Variants in AMBRA1 observed in about 807,000 individuals in gnomAD.
AMBRA1 encodes the protein autophagy and beclin 1 regulator 1.
In AMBRA1, 47 loss-of-function variants were observed where a neutral mutation model predicts 125.4. The observed-to-expected ratio is 0.37, with a 90% CI of 0.30 to 0.48. The LOEUF (loss-of-function observed/expected upper bound fraction) is 0.48, where lower values mean the gene tolerates loss of function less well. AMBRA1 is among the 20% of genes least tolerant of loss of function. AMBRA1 has a pLI of 0.99. For synonymous variants in AMBRA1, 626 were observed against 655.5 expected (o/e 0.95, Z 0.69); for missense variants, 1,331 against 1,693.4 (o/e 0.79, Z 3.76).
chr11:46,556,842 A>C (rs1270237705), intron 1 of AMBRA1, among the ~76,000 whole-genome samples: 1 of 152,222 alleles, frequency 6.6e-6, no homozygotes, highest in Non-Finnish European at 1.5e-5. Context: ...ATTAGTATGA[A>C]AATGGTAATA....
At chr11:46,538,688 C>T (rs889106220) in intron 7 of AMBRA1, among the ~76,000 whole-genome samples, 4 of 151,956 alleles carry the variant, frequency 2.6e-5, no homozygotes, top group East Asian at 1.9e-4. Context: ...AATAGAGACG[C>T]GGTTTTACCA....
In AMBRA1 at chr11:46,443,473, T is replaced by C. The variant is rs149663069; in HGVS notation, c.2632+15A>G. On this transcript the variant is annotated intron_variant, in intron 12 of 17. Transcript: ENST00000683756. Reference sequence around the variant, plus strand: ...ATAACCCTTCCACTGATACCCCCATTTGACATTGACTTACCATTACTGATT... The same window carrying C: ...ATAACCCTTCCACTGATACCCCCATCTGACATTGACTTACCATTACTGATT... 1,774 of 1,603,706 alleles carry C rather than the reference T, an allele frequency of 1.1e-3. 16 individuals carry two copies. The African/African-American group carries it at 0.02, about 18-fold the overall frequency.
At chr11:46,431,744 T>C (rs553563072) in intron 14 of AMBRA1, among the ~76,000 whole-genome samples, 2 of 152,356 alleles carry the variant, frequency 1.3e-5, no homozygotes, top group African/African-American at 4.8e-5. Flanking sequence ...CAGCTTCTGC[T>C]TAAGAGAAGC....
In AMBRA1 at chr11:46,417,978, C is replaced by T. The variant is rs1318173680; in HGVS notation, c.3051G>A (p.Leu1017=). 1.2e-6 allele frequency: 2 copies of T among 1,610,724 alleles called. No homozygotes were observed. Among genetic ancestry groups the T allele is most frequent in the Non-Finnish European group, 1.7e-6 (2 of 1,177,700 alleles). Residue 1017 remains leucine, a synonymous_variant, in exon 15 of 18, where the codon CTG becomes CTA. Coordinates refer to ENST00000683756, the MANE Select transcript of AMBRA1 (RefSeq NM_001387011.1). ...RHVSINSARW[L]PEPGLGLAYG... is the part of the protein sequence containing the mutation. ...AGGCCAAGCCAAGCCCTGGCTCAGG[C>T]AGCCAACGGGCAGAGTTGATACTGA...
At chr11:46,438,475 C>T (rs1240713978) in intron 12 of AMBRA1, among the ~76,000 whole-genome samples, 1 of 152,204 alleles carries the variant, frequency 6.6e-6, no homozygotes, top group Non-Finnish European at 1.5e-5. Flanking sequence ...TGCTGGCTGG[C>T]CAGATGAGGC....
chr11:46,557,528 C>T (rs1201325187), intron 1 of AMBRA1, among the ~76,000 whole-genome samples: 3 of 152,098 alleles, frequency 2.0e-5, no homozygotes, highest in Non-Finnish European at 2.9e-5. Context: ...ATAAAACCAG[C>T]CAGGCACAGT....
chr11:46,547,284 G>A lies in AMBRA1; in HGVS notation c.207C>T (p.Ala69=), dbSNP rs1375244858. 6.2e-7 allele frequency: 1 copy of A among 1,607,468 alleles called. No individual in the cohort carries two copies. The highest frequency in any genetic ancestry group is 8.5e-7 in the Non-Finnish European group (1 of 1,177,908). The change falls in exon 4 of 18, where the codon GCC becomes GCT. Residue 69 remains alanine, a synonymous_variant. Transcript: ENST00000683756. Reference sequence around the variant, plus strand: ...AGATATTATGGTTCACATGGGTGGAGGCTAAGAGAGTCCTAGAAAATCAAA... The same window carrying A: ...AGATATTATGGTTCACATGGGTGGAAGCTAAGAGAGTCCTAGAAAATCAAA... ...LAFSPDRTLL[A]STHVNHNIYI...
intron 9 of AMBRA1, 102 bp downstream of exon 9, chr11:46,508,089 T>G (rs1415756396): frequency 8.0e-7 from 1 of 1,245,770 alleles, no homozygotes; most frequent in Non-Finnish European, 1.1e-6. Flanking sequence ...ATTGAGGAGT[T>G]GGGAGCAAGA....
rs142367481 is a variant in AMBRA1, at chr11:46,573,663, CTTTTTT to C, written c.-121+20159_-121+20164del. On this transcript the variant is annotated intron_variant, in intron 1 of 17. Coordinates refer to ENST00000683756, the MANE Select transcript of AMBRA1 (RefSeq NM_001387011.1). The stretch of plus-strand genomic sequence containing the variant: ...TTTTTAAAGAAGCAGAATCCTTTTT[CTTTTTT>C]TTTTTTTTTATTATACTTTAAGTTT... Among the ~76,000 whole-genome samples, 211 of 138,672 alleles carry C rather than the reference CTTTTTT, an allele frequency of 1.5e-3. 1 individual carries two copies. The highest frequency in any genetic ancestry group is 2.8e-3 in the Non-Finnish European group (180 of 63,710). 91.0% of individuals were successfully genotyped at this position (138,672 alleles called of 152,430 possible).
At chr11:46,465,233 A>C (rs1949276328) in intron 11 of AMBRA1, among the ~76,000 whole-genome samples, 1 of 151,906 alleles carries the variant, frequency 6.6e-6, no homozygotes, top group Admixed American at 6.6e-5. Context: ...ACCCCAATAA[A>C]GGCTCATGCT....
intron 11 of AMBRA1, among the ~76,000 whole-genome samples, chr11:46,481,064 G>C (rs1261926658): frequency 1.3e-5 from 2 of 152,174 alleles, no homozygotes; most frequent in Admixed American, 1.3e-4. Flanking sequence ...TGACTTCCCT[G>C]TGCCTGGGTC....
intron 7 of AMBRA1, among the ~76,000 whole-genome samples, chr11:46,513,405 C>A (rs1247802877): frequency 1.3e-5 from 2 of 151,776 alleles, no homozygotes; most frequent in African/African-American, 4.8e-5. Flanking sequence ...AGCCCAATAA[C>A]AAACTCAACT....
intron 7 of AMBRA1, among the ~76,000 whole-genome samples, chr11:46,522,743 G>A (rs1489814939): frequency 1.3e-5 from 2 of 152,150 alleles, no homozygotes; most frequent in African/African-American, 2.4e-5. Context: ...CTAAGTCTAC[G>A]AAGAATATCC....
rs1021157499 is a variant in AMBRA1 at position 46,429,026 on chromosome 11, T to A, written c.2976+4448A>T. On this transcript the variant is annotated intron_variant, in intron 14 of 17. Transcript: ENST00000683756. ...CTGCATGGCCTTCATGACATGAAGG[T>A]TGGGCACATTCTTGTCTGCCAGCTC... 3.7e-6 allele frequency: 6 copies of A among 1,611,696 alleles called. No homozygotes were observed. In the African/African-American group the frequency reaches 5.3e-5, roughly 14 times the overall value.
intron 7 of AMBRA1, chr11:46,530,755 T>TGA (rs1952176991): frequency 1.3e-5 from 2 of 152,246 alleles, no homozygotes; most frequent in East Asian, 3.8e-4. Flanking sequence ...AAACCAGCTA[T>TGA]GAATGGTTTT....
chr11:46,524,909 G>A (rs1228729133), intron 7 of AMBRA1, among the ~76,000 whole-genome samples: 1 of 152,234 alleles, frequency 6.6e-6, no homozygotes, highest in Non-Finnish European at 1.5e-5. Flanking sequence ...AGAACAGTCA[G>A]GTATCCATCT....
chr11:46,423,245 A>G (rs1338376330), intron 14 of AMBRA1, among the ~76,000 whole-genome samples: 1 of 152,158 alleles, frequency 6.6e-6, no homozygotes, highest in African/African-American at 2.4e-5. Flanking sequence ...TGCTTAGATC[A>G]ATGAATTATT....
intron 1 of AMBRA1, among the ~76,000 whole-genome samples, chr11:46,553,659 C>T (rs898997112): frequency 1.3e-5 from 2 of 151,960 alleles, no homozygotes; most frequent in African/African-American, 4.8e-5. Flanking sequence ...TTGGGAGAAT[C>T]GCTTGGACCT....
chr11:46,493,881 C>T (rs937792887), intron 10 of AMBRA1, 173 bp from the exon 11 acceptor site: 2 of 642,576 alleles, frequency 3.1e-6, no homozygotes, highest in African/African-American at 1.8e-5. Flanking sequence ...TCTTTTTCTG[C>T]CCTTCCTTCT....
Sources: gnomAD v4.1 joint callset for allele counts (sites outside exome capture counted in the v4.1 genomes callset) on GRCh38, gnomAD v4.1.1 for gene constraint, MANE v1.5 for transcripts, NCBI Gene and HGNC (gene_info 2026-07-23, HGNC 2026-07-21) for gene names.